The following PRKG1 variants were observed in gnomAD, a reference collection of about 807,000 sequenced individuals.
PRKG1 encodes cGMP-dependent protein kinase 1.
PRKG1 carries 35 observed loss-of-function variants against 88.1 expected under a neutral mutation model. That is an observed-to-expected ratio of 0.40 (90% confidence interval 0.30 to 0.53). PRKG1 has a LOEUF of 0.53. Ranked by LOEUF, PRKG1 falls within the 20% of genes least tolerant of loss-of-function variation. The pLI is 0.59. For synonymous variants in PRKG1, 303 were observed against 292.5 expected, an observed-to-expected ratio of 1.04 and a Z score of -0.37; for missense variants, 540 against 839.8, an observed-to-expected ratio of 0.64 and a Z score of 4.41.
Position 52,161,910 on chromosome 10 carries a change from A to G in PRKG1, c.1023A>G (p.Gly341=), listed in dbSNP as rs2132688551. The change falls in exon 9 of 18, where the codon GGA becomes GGG. Residue 341 remains glycine (G), a synonymous_variant. Coordinates refer to ENST00000373980, the MANE Select transcript of PRKG1 (RefSeq NM_006258.4). ...IDRDSFKHLI[G]GLDDVSNKAY... is the part of the protein sequence containing the mutation. ...ACAGCTCTTTTAAACATTTGATTGG[A>G]GGGCTGGATGATGTTTCTAATAAAG... 2 of 1,612,648 alleles carry G rather than the reference A, an allele frequency of 1.2e-6. No individual in the cohort carries two copies. Among genetic ancestry groups the G allele is most frequent in the Non-Finnish European group, 1.7e-6 (2 of 1,179,340 alleles).
chr10:51,469,453 A>G (rs1439508065), intron 3 of PRKG1, among the ~76,000 whole-genome samples: 1 of 151,844 alleles, frequency 6.6e-6, no homozygotes, highest in African/African-American at 2.4e-5. Flanking sequence ...TTAAAGAAAT[A>G]TTTTAAGTAG....
At chr10:52,180,449 T>C (rs1050142319) in intron 9 of PRKG1, among the ~76,000 whole-genome samples, 2 of 152,182 alleles carry the variant, frequency 1.3e-5, no homozygotes, top group Admixed American at 6.5e-5. Flanking sequence ...GTTTTTCATG[T>C]GTTTGATGTG....
At chr10:51,231,710 ATTTT>A (rs758817416) in intron 2 of PRKG1, among the ~76,000 whole-genome samples, 3 of 140,132 alleles carry the variant, frequency 2.1e-5, no homozygotes, top group Non-Finnish European at 3.1e-5. Flanking sequence ...CATCTGAAAC[ATTTT>A]TTTTTTTTTT....
chr10:51,347,166 C>T (rs1462125765), intron 2 of PRKG1, among the ~76,000 whole-genome samples: 1 of 151,690 alleles, frequency 6.6e-6, no homozygotes, highest in Admixed American at 6.6e-5. Flanking sequence ...TACTTGCACA[C>T]CCCTGGATCA....
intron 2 of PRKG1, among the ~76,000 whole-genome samples, chr10:51,228,615 G>A (rs143093438): frequency 6.6e-6 from 1 of 152,304 alleles, no homozygotes; most frequent in African/African-American, 2.4e-5. Flanking sequence ...GGGAGACCAA[G>A]AGAGCACTAG....
chr10:51,370,196 T>C (rs1161140255), intron 2 of PRKG1, among the ~76,000 whole-genome samples: 1 of 152,170 alleles, frequency 6.6e-6, no homozygotes. Flanking sequence ...TTGAATGCTC[T>C]TTCCGGAGGG....
intron 3 of PRKG1, among the ~76,000 whole-genome samples, chr10:51,711,172 C>A (rs1435278717): frequency 6.6e-6 from 1 of 152,138 alleles, no homozygotes; most frequent in Admixed American, 6.5e-5. Context: ...GTGGTGCAAT[C>A]TTGGCTCACT....
At chr10:51,590,821 G>A (rs1395983391) in intron 3 of PRKG1, among the ~76,000 whole-genome samples, 2 of 151,204 alleles carry the variant, frequency 1.3e-5, no homozygotes, top group Non-Finnish European at 2.9e-5. Flanking sequence ...TATGGGGGGG[G>A]TGGGGTGGTA....
chr10:51,640,449 A>T (rs1004599606), intron 3 of PRKG1, among the ~76,000 whole-genome samples: 4 of 152,190 alleles, frequency 2.6e-5, no homozygotes, highest in Non-Finnish European at 4.4e-5. Flanking sequence ...TGGAGCTTGT[A>T]CGTGCAAGAA....
At chr10:51,367,833 C>T (rs757149058) in intron 2 of PRKG1, among the ~76,000 whole-genome samples, 5 of 151,906 alleles carry the variant, frequency 3.3e-5, no homozygotes, top group Non-Finnish European at 5.9e-5. Flanking sequence ...GTATTCCCTA[C>T]GTAATAAAAT....
rs560558560 is a variant in PRKG1 at position 51,273,287 on chromosome 10, G to A, written c.478+119957G>A. Reference sequence around the variant, plus strand: ...GCCCTTTGGAAAGCTGAGGAAGGAGGATTGCTGGAGCCCAGGAATTTGAGA... The same window carrying A: ...GCCCTTTGGAAAGCTGAGGAAGGAGAATTGCTGGAGCCCAGGAATTTGAGA... On this transcript the variant is annotated intron_variant, in intron 2 of 17. Transcript: ENST00000373980. Among the ~76,000 whole-genome samples the A allele has an allele frequency of 1.7e-4, 25 of 149,922 alleles. No homozygotes were observed. In the East Asian group the frequency reaches 4.7e-3, roughly 28 times the overall value.
At chr10:51,838,477 C>T (rs751055976) in intron 4 of PRKG1, among the ~76,000 whole-genome samples, 14 of 152,218 alleles carry the variant, frequency 9.2e-5, no homozygotes, top group East Asian at 5.8e-4. Flanking sequence ...GCAGAGTTTC[C>T]GAAAGGAAGT....
chr10:51,780,341 G>A (rs1326799977), intron 3 of PRKG1, among the ~76,000 whole-genome samples: 1 of 151,992 alleles, frequency 6.6e-6, no homozygotes. Context: ...AGAATGAAAA[G>A]AACCTTCAAC....
At chr10:52,287,500 A>T (rs1038864933) in intron 14 of PRKG1, among the ~76,000 whole-genome samples, 7 of 152,060 alleles carry the variant, frequency 4.6e-5, no homozygotes, top group Non-Finnish European at 1.0e-4. Context: ...AAGGCAAAAA[A>T]AATAATAATT....
At chr10:52,033,139 C>T (rs1845513097) in intron 5 of PRKG1, among the ~76,000 whole-genome samples, 1 of 152,132 alleles carries the variant, frequency 6.6e-6, no homozygotes. Context: ...GCCCAAATGC[C>T]ACCTTAGTAC....
At chr10:52,071,726 A>C (rs929397672) in intron 7 of PRKG1, among the ~76,000 whole-genome samples, 2 of 151,852 alleles carry the variant, frequency 1.3e-5, no homozygotes, top group African/African-American at 2.4e-5. Flanking sequence ...TTTTCAGTGG[A>C]GTTAGTGGAC....
chr10:51,736,605 CTTT>C (rs555514944), intron 3 of PRKG1, among the ~76,000 whole-genome samples: 4 of 137,670 alleles, frequency 2.9e-5, no homozygotes, highest in Admixed American at 7.3e-5. Flanking sequence ...ATCCATCTTA[CTTT>C]TTTTTTTTTT....
At chr10:51,941,996 T>A (rs1334500176) in intron 5 of PRKG1, among the ~76,000 whole-genome samples, 1 of 152,068 alleles carries the variant, frequency 6.6e-6, no homozygotes, top group African/African-American at 2.4e-5. Flanking sequence ...CAAATGGTAT[T>A]TCTAGTTCTG....
chr10:52,102,061 T>C (rs1473162857), intron 7 of PRKG1, among the ~76,000 whole-genome samples: 1 of 152,166 alleles, frequency 6.6e-6, no homozygotes. Flanking sequence ...GTCTTATGGA[T>C]GCATAACAAA....
Sources: allele counts gnomAD v4.1 joint callset (sites outside exome capture counted in the v4.1 genomes callset), GRCh38; gene constraint gnomAD v4.1.1; transcripts MANE v1.5; gene names NCBI Gene and HGNC (gene_info 2026-07-23, HGNC 2026-07-21).